Variants in DPP10 observed in about 807,000 individuals in gnomAD.
DPP10 encodes inactive dipeptidyl peptidase 10.
A neutral mutation model predicts 120.9 loss-of-function variants in DPP10; 33 were observed. The ratio of observed to expected loss-of-function variants is 0.27; its 90% CI spans 0.21 to 0.37. The LOEUF (loss-of-function observed/expected upper bound fraction) is 0.37. Ranked by LOEUF, DPP10 falls within the 10% of genes least tolerant of loss-of-function variation. The probability of loss-of-function intolerance (pLI) is 1.00; values close to 1 mark genes in which losing one functional copy is unlikely to be tolerated. For synonymous variants in DPP10, 337 were observed against 326.1 expected (o/e 1.03, Z -0.36); for missense variants, 816 against 942.8 (o/e 0.87, Z 1.76).
At chr2:115,421,811 CA>C in intron 3 of DPP10, among the ~76,000 whole-genome samples, 1 of 124,026 alleles carries the variant, frequency 8.1e-6, no homozygotes, top group Non-Finnish European at 1.6e-5. Flanking sequence ...GCAGAGGTTG[CA>C]GTGAGCCGAG....
At chr2:114,895,728 T>C (rs1692909181) in intron 1 of DPP10, among the ~76,000 whole-genome samples, 1 of 152,214 alleles carries the variant, frequency 6.6e-6, no homozygotes, top group Non-Finnish European at 1.5e-5. Flanking sequence ...CTACTATAAC[T>C]GACAGAGTAA....
rs116458286 is a variant in DPP10, at chr2:115,371,134, A to G, written c.271+27222A>G. ...ACAACATCTGCTACTGGTATTTCCC[A>G]CAAAATTTGACCTGTGTTTCTTCAA... On this transcript the variant is annotated intron_variant, in intron 3 of 25. Coordinates refer to ENST00000410059, the MANE Select transcript of DPP10 (RefSeq NM_020868.6). 3.2e-3 allele frequency among the ~76,000 whole-genome samples: 485 copies of G among 152,226 alleles called. 4 individuals are homozygous for G. The highest frequency in any genetic ancestry group is 5.0e-3 in the Admixed American group (76 of 15,276).
chr2:115,473,199 A>T (rs2074846453), intron 3 of DPP10, among the ~76,000 whole-genome samples: 1 of 152,204 alleles, frequency 6.6e-6, no homozygotes, highest in Admixed American at 6.5e-5. Flanking sequence ...TATGAATGGG[A>T]TCATGCCTCA....
intron 3 of DPP10, among the ~76,000 whole-genome samples, chr2:115,414,269 A>G (rs1217971291): frequency 3.9e-5 from 6 of 152,150 alleles, no homozygotes; most frequent in Non-Finnish European, 8.8e-5. Context: ...AGGCAAGTAG[A>G]GCGACTTGCC....
chr2:115,443,963 G>A (rs1428336183), intron 3 of DPP10, among the ~76,000 whole-genome samples: 1 of 152,126 alleles, frequency 6.6e-6, no homozygotes. Context: ...AGCCAAAGAT[G>A]ACACCAGAAA....
chr2:115,277,811 C>G (rs1048666744), intron 1 of DPP10, among the ~76,000 whole-genome samples: 3 of 151,986 alleles, frequency 2.0e-5, no homozygotes, highest in Admixed American at 1.3e-4. Flanking sequence ...TGTTTGTGAT[C>G]ATTTTGAAAC....
intron 1 of DPP10, among the ~76,000 whole-genome samples, chr2:114,498,949 A>G (rs1051055996): frequency 5.3e-5 from 8 of 152,258 alleles, no homozygotes; most frequent in Non-Finnish European, 1.0e-4. Flanking sequence ...ATACATATGC[A>G]ATGGAATACT....
At chr2:115,012,764 C>T (rs540943557) in intron 1 of DPP10, among the ~76,000 whole-genome samples, 120 of 152,204 alleles carry the variant, frequency 7.9e-4, no homozygotes, top group African/African-American at 2.8e-3. Context: ...AAACAAAGTT[C>T]TTCAAAACCT....
chr2:115,370,140 A>G (rs547069501), intron 3 of DPP10, among the ~76,000 whole-genome samples: 14 of 152,282 alleles, frequency 9.2e-5, no homozygotes, highest in Admixed American at 5.2e-4. Flanking sequence ...TTGCAAAAAG[A>G]AAATATGTTT....
intron 7 of DPP10, among the ~76,000 whole-genome samples, chr2:115,713,098 A>AT (rs1482338313): frequency 1.3e-5 from 2 of 152,068 alleles, no homozygotes; most frequent in African/African-American, 2.4e-5. Context: ...TATGAGAATG[A>AT]TTTTTTTATG....
chr2:114,714,563 G>GT (rs1701236436), intron 1 of DPP10, among the ~76,000 whole-genome samples: 1 of 152,096 alleles, frequency 6.6e-6, no homozygotes, highest in South Asian at 2.1e-4. Flanking sequence ...AGGAAATGAG[G>GT]ATGAGCTTTC....
chr2:114,641,224 T>G (rs1695682075), intron 1 of DPP10, among the ~76,000 whole-genome samples: 1 of 152,012 alleles, frequency 6.6e-6, no homozygotes, highest in African/African-American at 2.4e-5. Context: ...CATTCTTCTT[T>G]CCATATCACA....
chr2:115,321,816 T>C (rs1220814187), intron 2 of DPP10, among the ~76,000 whole-genome samples: 2 of 152,154 alleles, frequency 1.3e-5, no homozygotes, highest in African/African-American at 4.8e-5. Context: ...GCTGTTTTAT[T>C]CTTCTACTGA....
At chr2:114,513,521 CAAAAAAAAAAAA>C (rs10712243) in intron 1 of DPP10, among the ~76,000 whole-genome samples, 1 of 74,982 alleles carries the variant, frequency 1.3e-5, no homozygotes, top group Non-Finnish European at 2.5e-5. Flanking sequence ...AACTCTACCT[CAAAAAAAAAAAA>C]AAAAAAAAAA....
chr2:115,735,369 T>G (rs1383294370), intron 8 of DPP10, among the ~76,000 whole-genome samples: 1 of 152,098 alleles, frequency 6.6e-6, no homozygotes, highest in African/African-American at 2.4e-5. Context: ...TAATAAAAAC[T>G]TATTATGTGA....
intron 1 of DPP10, among the ~76,000 whole-genome samples, chr2:114,842,692 C>G (rs949053016): frequency 6.6e-6 from 1 of 152,132 alleles, no homozygotes; most frequent in Non-Finnish European, 1.5e-5. Flanking sequence ...CCAATGTTAT[C>G]ATGTATTTTA....
chr2:115,177,411 C>A (rs1030008382), intron 1 of DPP10, among the ~76,000 whole-genome samples: 1 of 152,076 alleles, frequency 6.6e-6, no homozygotes, highest in South Asian at 2.1e-4. Flanking sequence ...TTGTTTAGTT[C>A]GGCAGTCGGT....
intron 1 of DPP10, among the ~76,000 whole-genome samples, chr2:115,247,869 G>T (rs2058601299): frequency 6.6e-6 from 1 of 152,070 alleles, no homozygotes; most frequent in South Asian, 2.1e-4. Context: ...TTTCCCTTTG[G>T]TCCTATTCCA....
At chr2:115,815,147 T>TGTCA (rs914488945) in intron 20 of DPP10, among the ~76,000 whole-genome samples, 160 bp downstream of exon 20, 4 of 152,256 alleles carry the variant, frequency 2.6e-5, no homozygotes, top group African/African-American at 9.6e-5. Context: ...TTGAAGTACC[T>TGTCA]GTCACCCTTA....
Sources: allele counts gnomAD v4.1 joint callset (sites outside exome capture counted in the v4.1 genomes callset), GRCh38; gene constraint gnomAD v4.1.1; transcripts MANE v1.5; gene names NCBI Gene and HGNC (gene_info 2026-07-23, HGNC 2026-07-21).